Variants in TMEM132B observed in about 807,000 individuals in gnomAD.
TMEM132B encodes the protein transmembrane protein 132B.
Under a neutral mutation model 90.8 loss-of-function variants are expected in TMEM132B, and 18 were observed. The ratio of observed to expected loss-of-function variants is 0.20; its 90% CI spans 0.14 to 0.29. TMEM132B has a LOEUF of 0.29. Ranked by LOEUF, TMEM132B falls within the 10% of genes least tolerant of loss-of-function variation. The pLI is 1.00. For missense variants in TMEM132B, 1,096 were observed against 1,326.8 expected (o/e 0.83, Z 2.70); for synonymous variants, 504 against 523.3 (o/e 0.96, Z 0.50).
At chr12:125,205,712 CA>C (rs1446516569) in intron 1 of TMEM132B, among the ~76,000 whole-genome samples, 1 of 152,218 alleles carries the variant, frequency 6.6e-6, no homozygotes, top group South Asian at 2.1e-4. Context: ...CTGTGGGCTT[CA>C]GTGTGAGTGT....
chr12:125,221,730 T>G (rs1486904308), intron 1 of TMEM132B, among the ~76,000 whole-genome samples: 1 of 152,232 alleles, frequency 6.6e-6, no homozygotes, highest in African/African-American at 2.4e-5. Context: ...AATTCATCCC[T>G]GTAGGAACAG....
intron 1 of TMEM132B, among the ~76,000 whole-genome samples, chr12:125,260,922 TTGTGTGTG>T (rs60739492): frequency 1.3e-5 from 2 of 148,152 alleles, no homozygotes; most frequent in African/African-American, 2.5e-5. Flanking sequence ...TCTCTACAGA[TTGTGTGTG>T]TGTGTGTGTG....
rs993279099 is a variant in TMEM132B at position 125,657,596 on chromosome 12, A to G, written c.*2886A>G. ...GCCCCAAAATATCTAAAATGGGGGTAAAGATATAAACTATTAAGCCATGAA... is the reference window on the plus strand; with the variant it reads ...GCCCCAAAATATCTAAAATGGGGGTGAAGATATAAACTATTAAGCCATGAA... On this transcript the variant is annotated 3_prime_UTR_variant, in exon 9 of 9. Transcript: ENST00000682704. 36 of 152,234 alleles carry G rather than the reference A, an allele frequency of 2.4e-4. No individual in the cohort carries two copies. Among genetic ancestry groups the G allele is most frequent in the Admixed American group, 1.7e-3 (26 of 15,282 alleles). The allele number at this position is 152,234 out of a possible 1,614,324, so 9.4% of individuals were successfully genotyped here. A position where few individuals can be genotyped will look rare whatever the true frequency, so the allele number is the denominator to read the frequency against.
At chr12:125,612,247 A>G (rs1885849499) in intron 5 of TMEM132B, among the ~76,000 whole-genome samples, 1 of 152,082 alleles carries the variant, frequency 6.6e-6, no homozygotes. Context: ...AGGCCAAGGC[A>G]GGTGGATTGC....
chr12:125,628,727 C>T (rs757800576), intron 5 of TMEM132B, among the ~76,000 whole-genome samples: 1 of 152,144 alleles, frequency 6.6e-6, no homozygotes, highest in Non-Finnish European at 1.5e-5. Context: ...TTTGCCCAGA[C>T]CAGTGTTCTG....
chr12:125,371,554 G>A (rs926270136), intron 2 of TMEM132B, among the ~76,000 whole-genome samples: 3 of 152,142 alleles, frequency 2.0e-5, no homozygotes, highest in African/African-American at 7.2e-5. Context: ...GGGTTTCCAG[G>A]ACACAATTAT....
chr12:125,330,488 A>C (rs1876734856), intron 1 of TMEM132B, among the ~76,000 whole-genome samples: 1 of 152,054 alleles, frequency 6.6e-6, no homozygotes, highest in South Asian at 2.1e-4. Context: ...ATTTACAAAG[A>C]AAGAAAAAAA....
At chr12:125,649,373 C>T (rs1302746731) in intron 6 of TMEM132B, among the ~76,000 whole-genome samples, 1 of 152,144 alleles carries the variant, frequency 6.6e-6, no homozygotes, top group East Asian at 1.9e-4. Context: ...GATGAATGGA[C>T]TTAGCTATAG....
rs907883473 is a variant in TMEM132B, at chr12:125,408,008, A to G, written c.960-7523A>G. Among the ~76,000 whole-genome samples the G allele has an allele frequency of 2.6e-5, 4 of 152,248 alleles. No homozygotes were observed. The highest frequency in any genetic ancestry group is 2.6e-4 in the Admixed American group (4 of 15,284). The stretch of plus-strand genomic sequence containing the variant: ...AGAGACAGAGCATGGCAGGGTCCCC[A>G]GAAGCCCAGCAGGACTCCACTCAGT... On this transcript the variant is annotated intron_variant, in intron 2 of 8. Coordinates refer to ENST00000682704, the MANE Select transcript of TMEM132B (RefSeq NM_001366854.1). The surrounding 1 kb of genome is among the most constrained non-coding windows in gnomAD (Gnocchi z 5.9).
At chr12:125,354,902 C>T (rs1401569103) in intron 2 of TMEM132B, among the ~76,000 whole-genome samples, 1 of 152,142 alleles carries the variant, frequency 6.6e-6, no homozygotes, top group Non-Finnish European at 1.5e-5. Context: ...TTATCACAGC[C>T]AGCATACAAG....
Position 125,350,294 on chromosome 12 carries a change from T to C in TMEM132B, c.910T>C (p.Phe304Leu), listed in dbSNP as rs1197452502. 2.5e-6 allele frequency: 4 copies of C among 1,613,640 alleles called. No homozygotes were observed. The highest frequency in any genetic ancestry group is 1.3e-5 in the African/African-American group (1 of 74,916). Residue 304 changes from phenylalanine to leucine, a missense_variant, in exon 2 of 9, where the codon TTT (phenylalanine) becomes CTT (leucine). Phe to Leu is a conservative substitution (Grantham distance 22, BLOSUM62 0). Transcript: ENST00000682704. ...NLVREGDTAT[F>L]LVSLTSSSVA... ...AGTCCGGGAAGGGGACACGGCCACCTTTTTGGTCTCTCTGACCAGTAGCTC... is the reference window on the plus strand; with the variant it reads ...AGTCCGGGAAGGGGACACGGCCACCCTTTTGGTCTCTCTGACCAGTAGCTC...
intron 5 of TMEM132B, among the ~76,000 whole-genome samples, chr12:125,600,273 A>C (rs1246692410): frequency 1.3e-5 from 2 of 152,208 alleles, no homozygotes; most frequent in Non-Finnish European, 2.9e-5. Flanking sequence ...GAAAAGACTC[A>C]GCAGAAATAG....
intron 1 of TMEM132B, among the ~76,000 whole-genome samples, chr12:125,329,377 T>C (rs1307925440): frequency 3.3e-5 from 5 of 152,146 alleles, no homozygotes; most frequent in African/African-American, 9.7e-5. Flanking sequence ...ATCCATCCCA[T>C]TGAATGTGAC....
At chr12:125,189,950 C>T (rs1957787159) in intron 1 of TMEM132B, among the ~76,000 whole-genome samples, 2 of 152,110 alleles carry the variant, frequency 1.3e-5, no homozygotes, top group South Asian at 4.2e-4. Flanking sequence ...GTCCATTTCC[C>T]CTGAAGCCAT....
intron 5 of TMEM132B, among the ~76,000 whole-genome samples, chr12:125,593,138 G>T (rs1013631953): frequency 5.3e-5 from 8 of 152,186 alleles, no homozygotes; most frequent in Non-Finnish European, 7.3e-5. Flanking sequence ...AGAATAAGTT[G>T]TCAGGCAGTT....
intron 5 of TMEM132B, among the ~76,000 whole-genome samples, chr12:125,612,894 G>A (rs112394250): frequency 0.015 from 162 of 10,856 alleles, no homozygotes; most frequent in Non-Finnish European, 0.03. Flanking sequence ...TTTATATATT[G>A]TATAAAAATA....
At chr12:125,389,341 C>T (rs956074764) in intron 2 of TMEM132B, among the ~76,000 whole-genome samples, 27 of 144,926 alleles carry the variant, frequency 1.9e-4, no homozygotes, top group Non-Finnish European at 3.8e-4. Flanking sequence ...CCCTCCCCTC[C>T]CCTCCCCTCA....
chr12:125,557,965 G>T (rs1884431955), intron 4 of TMEM132B, among the ~76,000 whole-genome samples: 1 of 152,212 alleles, frequency 6.6e-6, no homozygotes, highest in African/African-American at 2.4e-5. Flanking sequence ...GCCCTCCTGT[G>T]AGTAGCTTAT....
chr12:125,418,397 T>C (rs985731342), intron 3 of TMEM132B, among the ~76,000 whole-genome samples: 1 of 152,194 alleles, frequency 6.6e-6, no homozygotes, highest in Non-Finnish European at 1.5e-5. Flanking sequence ...ACATTTAGTA[T>C]CTGACCTCCC....
Sources: allele counts gnomAD v4.1 joint callset (sites outside exome capture counted in the v4.1 genomes callset), GRCh38; gene constraint gnomAD v4.1.1; non-coding constraint Gnocchi (gnomAD v3.1); transcripts MANE v1.5; gene names NCBI Gene and HGNC (gene_info 2026-07-23, HGNC 2026-07-21).